The following KHDRBS2 variants were observed in gnomAD, a reference collection of about 807,000 sequenced individuals.
The protein encoded by KHDRBS2 is KH RNA binding domain containing, signal transduction associated 2, also known as KH domain-containing, RNA-binding, signal transduction-associated protein 2.
In KHDRBS2, 26 loss-of-function variants were observed where a neutral mutation model predicts 44.3. That is an observed-to-expected ratio of 0.59 (90% CI 0.43 to 0.81). KHDRBS2 has a LOEUF of 0.81. KHDRBS2 is among the 40% of genes least tolerant of loss of function. The probability of loss-of-function intolerance (pLI) is 0.00; values close to 1 mark genes in which losing one functional copy is unlikely to be tolerated. For synonymous variants in KHDRBS2, 194 were observed against 151.1 expected (o/e 1.28, Z -2.08); for missense variants, 476 against 433.1 (o/e 1.10, Z -0.88).
At chr6:62,044,770 C>T (rs953600661) in intron 3 of KHDRBS2, among the ~76,000 whole-genome samples, 1 of 152,008 alleles carries the variant, frequency 6.6e-6, no homozygotes, top group East Asian at 1.9e-4. Context: ...GCATGTTGAA[C>T]TTCTTAATAC....
Position 62,232,059 on chromosome 6 carries a change from C to G in KHDRBS2, c.91+53799G>C, listed in dbSNP as rs116137052. 4.2e-3 allele frequency among the ~76,000 whole-genome samples: 644 copies of G among 152,182 alleles called. 2 individuals carry two copies. The highest frequency in any genetic ancestry group is 0.015 in the African/African-American group (623 of 41,522). On this transcript the variant is annotated intron_variant, in intron 1 of 8. Coordinates refer to ENST00000281156, the MANE Select transcript of KHDRBS2 (RefSeq NM_152688.4). Reference sequence around the variant, plus strand: ...GTACTCTTTGAGGGCAGTATTAAACCTGAGTTACACTGTCATTTTTAGTCA... The same window carrying G: ...GTACTCTTTGAGGGCAGTATTAAACGTGAGTTACACTGTCATTTTTAGTCA...
intron 6 of KHDRBS2, among the ~76,000 whole-genome samples, chr6:61,846,293 C>T (rs1040663806): frequency 6.6e-6 from 1 of 152,196 alleles, no homozygotes; most frequent in African/African-American, 2.4e-5. Flanking sequence ...AAATTGCATG[C>T]TCCATAGGGA....
the KHDRBS2 span, among the ~76,000 whole-genome samples, chr6:61,625,074 G>A: frequency 2.0e-5 from 3 of 152,146 alleles, no homozygotes; most frequent in Non-Finnish European, 2.9e-5. Context: ...AGAGGTATGC[G>A]TGTGGAATCC....
chr6:61,989,659 G>A (rs1159142851), intron 3 of KHDRBS2, among the ~76,000 whole-genome samples: 1 of 152,188 alleles, frequency 6.6e-6, no homozygotes, highest in African/African-American at 2.4e-5. Context: ...TAATAAAAGT[G>A]TTCACTTTCT....
At chr6:62,049,829 T>C (rs1177999119) in intron 2 of KHDRBS2, among the ~76,000 whole-genome samples, 2 of 152,092 alleles carry the variant, frequency 1.3e-5, no homozygotes, top group African/African-American at 2.4e-5. Flanking sequence ...AGAATGCTTT[T>C]ATACTGTTGG....
At chr6:61,912,578 TG>T (rs1806243608) in intron 4 of KHDRBS2, among the ~76,000 whole-genome samples, 2 of 152,144 alleles carry the variant, frequency 1.3e-5, no homozygotes. Flanking sequence ...TTTGCTCTAG[TG>T]GGCCCATGAC....
At chr6:61,865,484 C>T (rs896828601) in intron 6 of KHDRBS2, among the ~76,000 whole-genome samples, 3 of 152,060 alleles carry the variant, frequency 2.0e-5, no homozygotes, top group Non-Finnish European at 1.5e-5. Context: ...TCTCATGAAA[C>T]TTATTCACTG....
At chr6:61,990,844 G>C (rs1229074443) in intron 3 of KHDRBS2, among the ~76,000 whole-genome samples, 3 of 151,930 alleles carry the variant, frequency 2.0e-5, no homozygotes, top group Non-Finnish European at 4.4e-5. Context: ...TGGGTAGCTG[G>C]GACTACAGGC....
chr6:61,592,681 G>GT, the KHDRBS2 span, among the ~76,000 whole-genome samples: 21 of 150,966 alleles, frequency 1.4e-4, no homozygotes, highest in African/African-American at 2.4e-4. Flanking sequence ...AAATATTTTT[G>GT]TTTTTTTTTA....
intron 6 of KHDRBS2, among the ~76,000 whole-genome samples, chr6:61,851,283 ATG>A (rs943919275): frequency 4.2e-4 from 64 of 151,448 alleles, no homozygotes; most frequent in Non-Finnish European, 7.1e-4. Context: ...GTGTGTGTAT[ATG>A]TGTGTGTGTG....
the KHDRBS2 span, among the ~76,000 whole-genome samples, chr6:61,602,623 C>T: frequency 1.3e-5 from 2 of 152,226 alleles, no homozygotes; most frequent in African/African-American, 4.8e-5. Context: ...TCACTGACGC[C>T]AAGCTTCAGG....
chr6:61,585,866 T>A, the KHDRBS2 span, among the ~76,000 whole-genome samples: 1 of 152,154 alleles, frequency 6.6e-6, no homozygotes, highest in Non-Finnish European at 1.5e-5. Flanking sequence ...ATCTAACTGA[T>A]ATCCAATTAA....
intron 2 of KHDRBS2, among the ~76,000 whole-genome samples, chr6:62,083,009 A>G (rs1006569467): frequency 1.3e-5 from 2 of 152,188 alleles, no homozygotes; most frequent in Admixed American, 6.5e-5. Flanking sequence ...ACTAGTAGAA[A>G]AGGGCAGGGT....
chr6:61,957,312 GGAT>G (rs1767594135), intron 4 of KHDRBS2, among the ~76,000 whole-genome samples: 3 of 152,136 alleles, frequency 2.0e-5, no homozygotes, highest in Non-Finnish European at 4.4e-5. Context: ...TAAAAGAACA[GGAT>G]AACAGCAATG....
At chr6:61,880,122 G>T (rs1562359403) in intron 6 of KHDRBS2, among the ~76,000 whole-genome samples, 1 of 151,882 alleles carries the variant, frequency 6.6e-6, no homozygotes, top group Non-Finnish European at 1.5e-5. Flanking sequence ...ATCAGGTTCA[G>T]ATGCATAGCA....
intron 4 of KHDRBS2, among the ~76,000 whole-genome samples, chr6:61,907,254 C>G (rs1805206705): frequency 6.6e-6 from 1 of 151,798 alleles, no homozygotes; most frequent in Admixed American, 6.6e-5. Context: ...CTCAGATTAT[C>G]TGCTTTTTTC....
At chr6:62,058,173 A>C (rs1790729147) in intron 2 of KHDRBS2, among the ~76,000 whole-genome samples, 2 of 151,714 alleles carry the variant, frequency 1.3e-5, no homozygotes, top group Non-Finnish European at 2.9e-5. Context: ...CTACTCTTTC[A>C]CTTTTTATGG....
chr6:61,785,029 G>T (rs1406437631), intron 6 of KHDRBS2, among the ~76,000 whole-genome samples: 1 of 151,862 alleles, frequency 6.6e-6, no homozygotes, highest in African/African-American at 2.4e-5. Context: ...CATGTCTGTA[G>T]TCCCCGCTAC....
At chr6:61,886,050 C>A (rs143138574) in intron 6 of KHDRBS2, among the ~76,000 whole-genome samples, 1 of 152,154 alleles carries the variant, frequency 6.6e-6, no homozygotes, top group African/African-American at 2.4e-5. Context: ...ATAGCTAGGG[C>A]CACATCTCAG....
Sources: allele counts gnomAD v4.1 joint callset (sites outside exome capture counted in the v4.1 genomes callset), GRCh38; gene constraint gnomAD v4.1.1; transcripts MANE v1.5; gene names NCBI Gene and HGNC (gene_info 2026-07-23, HGNC 2026-07-21).